SDHB: variants seen among roughly 807,000 people sequenced by gnomAD.
SDHB encodes succinate dehydrogenase [ubiquinone] iron-sulfur subunit, mitochondrial.
Under a neutral mutation model 39.7 loss-of-function variants are expected in SDHB, and 21 were observed. The observed-to-expected ratio is 0.53, with a 90% CI of 0.37 to 0.76. The LOEUF is 0.76. SDHB is among the 30% of genes least tolerant of loss of function. SDHB has a pLI of 0.00. For missense variants in SDHB, 343 were observed against 350.9 expected (o/e 0.98, Z 0.18); for synonymous variants, 118 against 117.0 (o/e 1.01, Z -0.06).
In SDHB at chr1:17,022,737, A is replaced by G. The variant is rs374921867; in HGVS notation, c.643-7T>C. The stretch of plus-strand genomic sequence containing the variant: ...CAATCATCCAGCGATAGGCCTGGAA[A>G]ACCAGGGATGATTAGCTGAGCTGCC... On this transcript the variant is annotated splice_polypyrimidine_tract_variant and splice_region_variant and intron_variant, in intron 6 of 7. Transcript: ENST00000375499. 6.2e-7 allele frequency: 1 copy of G among 1,612,836 alleles called. No homozygotes were observed. The highest frequency in any genetic ancestry group is 1.3e-5 in the African/African-American group (1 of 74,896).
chr1:17,027,381 A>G (rs2077996614), intron 5 of SDHB, among the ~76,000 whole-genome samples: 1 of 152,242 alleles, frequency 6.6e-6, no homozygotes, highest in African/African-American at 2.4e-5. Flanking sequence ...GGTGGTAGTT[A>G]CAACTGGCCA....
At chr1:17,019,448 A>G (rs912964491) in intron 7 of SDHB, among the ~76,000 whole-genome samples, 2 of 152,214 alleles carry the variant, frequency 1.3e-5, no homozygotes, top group Admixed American at 6.5e-5. Context: ...TCAACTGGCC[A>G]ATACCATTGG....
At position 17,044,901 on chromosome 1, in the gene SDHB, A is replaced by G. The variant is rs769480915; in HGVS notation, c.73-13T>C. 3.1e-6 allele frequency: 5 copies of G among 1,612,324 alleles called. No individual in the cohort carries two copies. In the South Asian group the frequency reaches 4.4e-5, roughly 14 times the overall value. Reference sequence around the variant, plus strand: ...CTCCTCGGGAGGCCTGAAATTTTTTAAAGTTCACAAAAAGGAAAAAAAAAT... The same window carrying G: ...CTCCTCGGGAGGCCTGAAATTTTTTGAAGTTCACAAAAAGGAAAAAAAAAT... On this transcript the variant is annotated splice_polypyrimidine_tract_variant and intron_variant, in intron 1 of 7. Transcript: ENST00000375499.
At chr1:17,052,103 T>C (rs1459949216) in intron 1 of SDHB, among the ~76,000 whole-genome samples, 1 of 152,090 alleles carries the variant, frequency 6.6e-6, no homozygotes, top group Non-Finnish European at 1.5e-5. Context: ...CACCTTGGCC[T>C]CCCAAAGTGC....
At chr1:17,046,834 C>T (rs2078112810) in intron 1 of SDHB, among the ~76,000 whole-genome samples, 1 of 152,106 alleles carries the variant, frequency 6.6e-6, no homozygotes, top group African/African-American at 2.4e-5. Context: ...TCTCCTGCCT[C>T]AGTCTCCCGA....
chr1:17,033,650 C>G (rs946969529), intron 2 of SDHB, among the ~76,000 whole-genome samples: 5 of 152,196 alleles, frequency 3.3e-5, no homozygotes, highest in Non-Finnish European at 7.3e-5. Flanking sequence ...TGGTACTAAG[C>G]GGAGCATCCC....
rs1321958068 is a variant in SDHB at position 17,028,657 on chromosome 1, A to C, written c.366T>G (p.Asn122Lys). Reference sequence around the variant, plus strand: ...GAAGAGGGTAGATTTTTGAGACCTTATTGAGGTTGGTGTCAATCCTTCGGG... The same window carrying C: ...GAAGAGGGTAGATTTTTGAGACCTTCTTGAGGTTGGTGTCAATCCTTCGGG... Reference protein sequence around the residue: ...ACTRRIDTNLNKVSKIYPLPH... With the variant: ...ACTRRIDTNLKKVSKIYPLPH... Residue 122 changes from asparagine to lysine, a missense_variant, in exon 4 of 8, where the codon AAT becomes AAG. Transcript: ENST00000375499. 1 of 1,614,132 alleles carries C rather than the reference A, an allele frequency of 6.2e-7. No individual in the cohort carries two copies. The highest frequency in any genetic ancestry group is 1.7e-5 in the Admixed American group (1 of 60,012).
intron 3 of SDHB, among the ~76,000 whole-genome samples, chr1:17,029,939 CA>C (rs1421893377): frequency 6.6e-6 from 1 of 152,214 alleles, no homozygotes; most frequent in Non-Finnish European, 1.5e-5. Flanking sequence ...AAGTGGCTCA[CA>C]CCTGGAATCC....
rs778120334 is a variant in SDHB at position 17,028,579 on chromosome 1, CAG to C, written c.423+19_423+20del. On this transcript the variant is annotated intron_variant, in intron 4 of 7. Coordinates refer to ENST00000375499, the MANE Select transcript of SDHB (RefSeq NM_003000.3). ...CCCCCCATGCAAATAAAAACAAAAC[CAG>C]AGAGATGCAGAAACTCACGGGAACA... is the stretch of plus-strand genomic sequence containing the variant. The C allele has an allele frequency of 6.8e-6, 11 of 1,613,694 alleles. No homozygotes were observed. In the African/African-American group the frequency reaches 1.5e-4, roughly 22 times the overall value.
rs190139590 is a variant in SDHB at position 17,028,580 on chromosome 1, A to G, written c.423+20T>C. On this transcript the variant is annotated intron_variant, in intron 4 of 7. Coordinates refer to ENST00000375499, the MANE Select transcript of SDHB (RefSeq NM_003000.3). Reference sequence around the variant, plus strand: ...CCCCCATGCAAATAAAAACAAAACCAGAGAGATGCAGAAACTCACGGGAAC... The same window carrying G: ...CCCCCATGCAAATAAAAACAAAACCGGAGAGATGCAGAAACTCACGGGAAC... 4 of 1,613,880 alleles carry G rather than the reference A, an allele frequency of 2.5e-6. No homozygotes were observed. The highest frequency in any genetic ancestry group is 3.4e-6 in the Non-Finnish European group (4 of 1,179,856).
chr1:17,044,253 T>C (rs1388065480), intron 2 of SDHB, among the ~76,000 whole-genome samples: 1 of 152,210 alleles, frequency 6.6e-6, no homozygotes, highest in Non-Finnish European at 1.5e-5. Flanking sequence ...TATACCAGTA[T>C]TTCTAGAAAT....
At chr1:17,027,921 T>C in intron 4 of SDHB, 56 bp from the exon 5 acceptor site, 1 of 1,065,320 alleles carries the variant, frequency 9.4e-7, no homozygotes, top group South Asian at 1.3e-5. Flanking sequence ...GATTCCATCA[T>C]CACCTCAGCT....
At position 17,033,084 on chromosome 1, in the gene SDHB, T is replaced by C; in HGVS notation, c.262A>G (p.Thr88Ala). 6.2e-7 allele frequency: 1 copy of C among 1,613,840 alleles called. No homozygotes were observed. Among genetic ancestry groups the C allele is most frequent in the South Asian group, 1.1e-5 (1 of 91,070 alleles). Residue 88 changes from threonine to alanine, a missense_variant, in exon 3 of 8, where the codon ACC becomes GCC. Transcript: ENST00000375499. Reference protein sequence around the residue: ...KIKNEVDSTLTFRRSCREGIC... With the variant: ...KIKNEVDSTLAFRRSCREGIC... ...CCTTCTCTGCATGATCTTCGGAAGG[T>C]CAAAGTAGAGTCAACTTCATTCTTA...
chr1:17,022,992 T>G, intron 6 of SDHB: 1 of 430,228 alleles, frequency 2.3e-6, no homozygotes, highest in Non-Finnish European at 4.4e-6. Context: ...GGGTATCATC[T>G]CCTAATTATT....
chr1:17,044,161 T>C (rs1244775114), intron 2 of SDHB, among the ~76,000 whole-genome samples: 1 of 152,174 alleles, frequency 6.6e-6, no homozygotes, highest in Non-Finnish European at 1.5e-5. Context: ...CAGGTCCAGA[T>C]GTATAAGATA....
intron 1 of SDHB, among the ~76,000 whole-genome samples, chr1:17,048,957 T>C (rs2078128113): frequency 6.6e-6 from 1 of 152,146 alleles, no homozygotes; most frequent in African/African-American, 2.4e-5. Context: ...GTGATCCGCC[T>C]GCCTTGGCCT....
chr1:17,040,338 G>A (rs2647155), intron 2 of SDHB, among the ~76,000 whole-genome samples: 145,175 of 152,310 alleles, frequency 0.95, 69,261 homozygotes, highest in East Asian at 1. Context: ...TTGGATATGT[G>A]AATTATGTCT....
At chr1:17,043,831 G>A (rs891745717) in intron 2 of SDHB, among the ~76,000 whole-genome samples, 1 of 152,212 alleles carries the variant, frequency 6.6e-6, no homozygotes, top group African/African-American at 2.4e-5. Context: ...CAGAATGACA[G>A]AGACCTCGGG....
intron 1 of SDHB, among the ~76,000 whole-genome samples, chr1:17,052,816 C>G (rs1189455621): frequency 6.6e-6 from 1 of 152,176 alleles, no homozygotes; most frequent in Non-Finnish European, 1.5e-5. Flanking sequence ...TGAAAGATGT[C>G]CTCATTTAAG....
Sources: allele counts gnomAD v4.1 joint callset (sites outside exome capture counted in the v4.1 genomes callset), GRCh38; gene constraint gnomAD v4.1.1; transcripts MANE v1.5; gene names NCBI Gene and HGNC (gene_info 2026-07-23, HGNC 2026-07-21).